Variants in FMO1 observed in about 807,000 individuals in gnomAD.
The protein encoded by FMO1 is flavin-containing monooxygenase 1.
Under a neutral mutation model 45.4 loss-of-function variants are expected in FMO1, and 36 were observed. The observed-to-expected ratio is 0.79, with a 90% CI of 0.61 to 1.05. The LOEUF (loss-of-function observed/expected upper bound fraction) is 1.05. Among genes scored for constraint, FMO1 ranks in the 50% least tolerant of loss-of-function variants. The pLI, the probability that FMO1 is intolerant of heterozygous loss-of-function variation, is 0.00. For synonymous variants in FMO1, 228 were observed against 227.2 expected, an observed-to-expected ratio of 1.00 and a Z score of -0.03; for missense variants, 615 against 640.3, an observed-to-expected ratio of 0.96 and a Z score of 0.43.
In FMO1 at chr1:171,285,677, G is replaced by A. The variant is rs28360435; in HGVS notation, c.*133G>A. The A allele has an allele frequency of 0.013, 6,085 of 466,760 alleles. 289 individuals carry two copies. The highest frequency in any genetic ancestry group is 0.1 in the African/African-American group (5,178 of 49,566). The allele number at this position is 466,760 out of a possible 1,614,324, so 28.9% of individuals were successfully genotyped here. Reference sequence around the variant, plus strand: ...AGGCCACCCTCTCGCTTCCCTGGCTGGCCCCAGGGCTACCACTGGTATTCC... The same window carrying A: ...AGGCCACCCTCTCGCTTCCCTGGCTAGCCCCAGGGCTACCACTGGTATTCC... On this transcript the variant is annotated 3_prime_UTR_variant, in exon 9 of 9. Transcript: ENST00000617670.
At chr1:171,250,416 CTG>C (rs1460597019) in intron 1 of FMO1, among the ~76,000 whole-genome samples, 1 of 152,222 alleles carries the variant, frequency 6.6e-6, no homozygotes, top group East Asian at 1.9e-4. Flanking sequence ...TCAAGAATCA[CTG>C]TGCTTCTTCA....
chr1:171,274,266 C>CTT (rs763261289), intron 3 of FMO1, among the ~76,000 whole-genome samples: 1 of 142,022 alleles, frequency 7.0e-6, no homozygotes, highest in Non-Finnish European at 1.5e-5. Flanking sequence ...TAATGACAAG[C>CTT]TTTTTTTTTT....
chr1:171,264,930 T>C (rs1175810754), intron 2 of FMO1, among the ~76,000 whole-genome samples: 3 of 150,598 alleles, frequency 2.0e-5, no homozygotes, highest in Admixed American at 2.0e-4. Context: ...AAATGCACAA[T>C]CTCAGGCTCA....
chr1:171,251,679 C>A (rs1042097782), intron 1 of FMO1: 1 of 150,400 alleles, frequency 6.6e-6, no homozygotes. Context: ...GACCCAATGA[C>A]CGGTGAATAA....
intron 3 of FMO1, chr1:171,271,544 T>A: frequency 1.2e-6 from 1 of 828,520 alleles, no homozygotes; most frequent in Non-Finnish European, 2.1e-6. Flanking sequence ...AAAATGCATA[T>A]GATGACATTT....
In FMO1 at chr1:171,258,087, C is replaced by T; in HGVS notation, c.-1C>T. On this transcript the variant is annotated 5_prime_UTR_variant, in exon 2 of 9. Transcript: ENST00000617670. ...GCTTCATCTTCCTCATGCAGGAGAA[C>T]ATGGCCAAGCGAGTTGCCATTGTGG... is the stretch of plus-strand genomic sequence containing the variant. 1 of 1,614,124 alleles carries T rather than the reference C, an allele frequency of 6.2e-7. No homozygotes were observed. The highest frequency in any genetic ancestry group is 2.2e-5 in the East Asian group (1 of 44,866).
chr1:171,283,648 T>C (rs1283942507), intron 8 of FMO1, among the ~76,000 whole-genome samples: 1 of 152,216 alleles, frequency 6.6e-6, no homozygotes, highest in African/African-American at 2.4e-5. Flanking sequence ...ATCAGCTCTA[T>C]TGTTTTTATT....
chr1:171,278,728 G>T lies in FMO1; in HGVS notation c.485-1G>T. On this transcript the variant is annotated splice_acceptor_variant, in intron 4 of 8. Transcript: ENST00000617670. LOFTEE classifies it high-confidence loss of function. ...TGTGACTTCTCTTTTATTTTCTATA[G>T]GTATTAATGCCTTTAAAGGCCAGTA... 2 of 1,566,832 alleles carry T rather than the reference G, an allele frequency of 1.3e-6. No individual in the cohort carries two copies. The highest frequency in any genetic ancestry group is 1.7e-6 in the Non-Finnish European group (2 of 1,150,772).
intron 5 of FMO1, among the ~76,000 whole-genome samples, chr1:171,279,906 C>G (rs981151314): frequency 6.6e-6 from 1 of 152,080 alleles, no homozygotes; most frequent in African/African-American, 2.4e-5. Context: ...CTCACGCTAC[C>G]CCTCTCTCTT....
intron 4 of FMO1, among the ~76,000 whole-genome samples, chr1:171,275,733 G>C (rs534525864): frequency 1.2e-4 from 19 of 152,116 alleles, no homozygotes; most frequent in African/African-American, 4.1e-4. Flanking sequence ...GAGCAAAATG[G>C]ATAACTTTAT....
intron 2 of FMO1, 100 bp downstream of exon 2, chr1:171,258,319 G>A (rs1660248443): frequency 7.0e-7 from 1 of 1,421,524 alleles, no homozygotes; most frequent in Admixed American, 1.9e-5. Context: ...TGGCCTTGAG[G>A]AAGGTTAGAA....
At chr1:171,249,718 A>G (rs1172730491) in intron 1 of FMO1, among the ~76,000 whole-genome samples, 1 of 151,932 alleles carries the variant, frequency 6.6e-6, no homozygotes, top group African/African-American at 2.4e-5. Flanking sequence ...TGTGTGTGAG[A>G]GAGAGAGACA....
intron 5 of FMO1, among the ~76,000 whole-genome samples, chr1:171,279,647 A>G (rs1374750409): frequency 1.3e-5 from 2 of 152,120 alleles, no homozygotes; most frequent in African/African-American, 2.4e-5. Context: ...GCCACCCACA[A>G]CAAGCCATCT....
rs1299673897 is a variant in FMO1 at position 171,285,524 on chromosome 1, A to G, written c.1579A>G (p.Ile527Val). 5.3e-6 allele frequency: 8 copies of G among 1,506,402 alleles called. No individual in the cohort carries two copies. Among genetic ancestry groups the G allele is most frequent in the Non-Finnish European group, 6.2e-6 (7 of 1,128,336 alleles). 93.3% of individuals were successfully genotyped at this position (1,506,402 alleles called of 1,614,324 possible). A position where few individuals can be genotyped will look rare whatever the true frequency, so the allele number is the denominator to read the frequency against. ...TAGCTTTCTGGCTTTGCTTGTGGCTATTTTTCTGATTTTCCTATAAGTAAA... is the reference window on the plus strand; with the variant it reads ...TAGCTTTCTGGCTTTGCTTGTGGCTGTTTTTCTGATTTTCCTATAAGTAAA... ...VFSFLALLVA[I>V]FLIFL Residue 527 changes from isoleucine (I) to valine (V), a missense_variant, in exon 9 of 9, where the codon ATT (isoleucine) becomes GTT (valine). Coordinates refer to ENST00000617670, the MANE Select transcript of FMO1 (RefSeq NM_001282693.2).
intron 4 of FMO1, 48 bp from the exon 5 acceptor site, chr1:171,278,681 C>T: frequency 7.3e-7 from 1 of 1,371,260 alleles, no homozygotes; most frequent in Non-Finnish European, 1.0e-6. Context: ...ATGTTTCATT[C>T]ACTGATCCTG....
At chr1:171,252,208 A>G (rs1352997516) in intron 1 of FMO1, among the ~76,000 whole-genome samples, 22 of 152,146 alleles carry the variant, frequency 1.4e-4, no homozygotes, top group Non-Finnish European at 1.5e-5. Context: ...GACCAGCTAC[A>G]GGATGCGATG....
chr1:171,279,258 T>C (rs976089641), intron 5 of FMO1, among the ~76,000 whole-genome samples: 8 of 152,150 alleles, frequency 5.3e-5, no homozygotes, highest in African/African-American at 1.9e-4. Context: ...ATCAGGTCCA[T>C]GCTACCTCAC....
intron 1 of FMO1, among the ~76,000 whole-genome samples, chr1:171,253,419 C>A (rs1447452893): frequency 1.3e-5 from 2 of 152,140 alleles, no homozygotes; most frequent in Non-Finnish European, 2.9e-5. Context: ...ATGGTCCCAG[C>A]TACTTTGGGA....
intron 7 of FMO1, chr1:171,282,896 A>G (rs756550302): frequency 5.0e-6 from 2 of 399,752 alleles, no homozygotes; most frequent in Non-Finnish European, 9.0e-6. Flanking sequence ...ATTCAGCCAA[A>G]CTAGTTGTGA....
Sources: gnomAD v4.1 joint callset for allele counts (sites outside exome capture counted in the v4.1 genomes callset) on GRCh38, gnomAD v4.1.1 for gene constraint, MANE v1.5 for transcripts, NCBI Gene and HGNC (gene_info 2026-07-23, HGNC 2026-07-21) for gene names.